LARGE1: variants seen among roughly 807,000 people sequenced by gnomAD.
LARGE1 encodes xylosyl- and glucuronyltransferase LARGE1.
Under a neutral mutation model 87.6 loss-of-function variants are expected in LARGE1, and 43 were observed. The observed-to-expected ratio is 0.49, with a 90% CI of 0.38 to 0.63. The LOEUF (loss-of-function observed/expected upper bound fraction) is 0.63. LARGE1 is among the 30% of genes least tolerant of loss of function. The pLI, the probability that LARGE1 is intolerant of heterozygous loss-of-function variation, is 0.00. For synonymous variants in LARGE1, 434 were observed against 394.6 expected (o/e 1.10, Z -1.18); for missense variants, 802 against 1,000.2 (o/e 0.80, Z 2.67).
intron 11 of LARGE1, among the ~76,000 whole-genome samples, chr22:33,186,853 T>G (rs948118743): frequency 6.6e-6 from 1 of 152,146 alleles, no homozygotes; most frequent in Non-Finnish European, 1.5e-5. Context: ...GAAATAAAAT[T>G]TTGAAAATTA....
chr22:33,736,275 C>T (rs987287717), intron 2 of LARGE1, among the ~76,000 whole-genome samples: 3 of 152,160 alleles, frequency 2.0e-5, no homozygotes, highest in African/African-American at 7.2e-5. Flanking sequence ...ATAAGGGTTC[C>T]GATTTCTCCA....
intron 1 of LARGE1, among the ~76,000 whole-genome samples, chr22:33,882,640 T>C (rs1176888006): frequency 1.3e-5 from 2 of 152,228 alleles, no homozygotes; most frequent in African/African-American, 4.8e-5. Flanking sequence ...TAAGGTATTT[T>C]GCAAATAAAA....
At chr22:33,770,595 T>A (rs1001033024) in intron 1 of LARGE1, among the ~76,000 whole-genome samples, 2 of 151,950 alleles carry the variant, frequency 1.3e-5, no homozygotes, top group African/African-American at 4.8e-5. Context: ...TGAGGGAGGA[T>A]GATCACTTGA....
the LARGE1 span, among the ~76,000 whole-genome samples, chr22:33,069,816 C>CTTTT: frequency 2.4e-5 from 3 of 126,764 alleles, no homozygotes; most frequent in South Asian, 2.5e-4. Flanking sequence ...TTATTACATT[C>CTTTT]TTTTTTTTTT....
chr22:33,376,245 T>C (rs2064988936), intron 9 of LARGE1, among the ~76,000 whole-genome samples: 2 of 152,214 alleles, frequency 1.3e-5, no homozygotes, highest in African/African-American at 4.8e-5. Context: ...AATACACCTG[T>C]TATTAGATGA....
At chr22:33,066,909 G>A in the LARGE1 span, among the ~76,000 whole-genome samples, 6 of 152,096 alleles carry the variant, frequency 3.9e-5, no homozygotes, top group Admixed American at 6.5e-5. Context: ...GCCACACACC[G>A]GTACCTCCAT....
intron 1 of LARGE1, among the ~76,000 whole-genome samples, chr22:33,907,435 G>A (rs985010245): frequency 6.6e-6 from 1 of 152,174 alleles, no homozygotes; most frequent in African/African-American, 2.4e-5. Context: ...CATCAATTAT[G>A]ACTGCCATTC....
intron 6 of LARGE1, among the ~76,000 whole-genome samples, chr22:33,447,867 A>G (rs2067749238): frequency 6.6e-6 from 1 of 152,204 alleles, no homozygotes; most frequent in African/African-American, 2.4e-5. Flanking sequence ...GGTGTGTGGA[A>G]AGGAATGGAG....
At chr22:33,821,135 C>G (rs973452260) in intron 1 of LARGE1, among the ~76,000 whole-genome samples, 1 of 152,206 alleles carries the variant, frequency 6.6e-6, no homozygotes, top group Admixed American at 6.5e-5. Context: ...TTAAGAATCT[C>G]TAATTGCTTC....
At chr22:33,335,558 A>G (rs1434941583) in intron 10 of LARGE1, among the ~76,000 whole-genome samples, 1 of 152,182 alleles carries the variant, frequency 6.6e-6, no homozygotes, top group Non-Finnish European at 1.5e-5. Context: ...TAACTATAAA[A>G]AATAACTATA....
chr22:33,820,348 G>T (rs1262778371), intron 1 of LARGE1, among the ~76,000 whole-genome samples: 2 of 151,910 alleles, frequency 1.3e-5, no homozygotes, highest in Admixed American at 6.6e-5. Flanking sequence ...TAGAGACAGG[G>T]TCTCACTTTG....
chr22:33,302,416 C>A (rs1442868957), intron 12 of LARGE1, among the ~76,000 whole-genome samples: 1 of 152,130 alleles, frequency 6.6e-6, no homozygotes, highest in East Asian at 1.9e-4. Flanking sequence ...GTAGGGACTC[C>A]TCCCGCCCCA....
intron 7 of LARGE1, among the ~76,000 whole-genome samples, chr22:33,388,026 T>C (rs1157196212): frequency 2.0e-5 from 3 of 152,238 alleles, no homozygotes; most frequent in Non-Finnish European, 4.4e-5. Flanking sequence ...TTATCCTCTA[T>C]GCACATAATA....
chr22:33,875,935 C>A (rs1054858551), intron 1 of LARGE1, among the ~76,000 whole-genome samples: 2 of 152,174 alleles, frequency 1.3e-5, no homozygotes, highest in African/African-American at 4.8e-5. Flanking sequence ...GGATGCAGAG[C>A]TATGGGTTCC....
At chr22:33,770,541 T>A (rs926560113) in intron 1 of LARGE1, among the ~76,000 whole-genome samples, 1 of 151,952 alleles carries the variant, frequency 6.6e-6, no homozygotes, top group African/African-American at 2.4e-5. Flanking sequence ...AGACTTTAGC[T>A]GGGCATGGTG....
intron 12 of LARGE1, among the ~76,000 whole-genome samples, chr22:33,303,604 A>AGGGTAT (rs1934456237): frequency 6.6e-6 from 1 of 152,068 alleles, no homozygotes; most frequent in South Asian, 2.1e-4. Context: ...CAGAAGAAGG[A>AGGGTAT]GGGTATGTTT....
At chr22:33,277,485 T>C (rs751883607) in intron 13 of LARGE1, among the ~76,000 whole-genome samples, 1 of 152,140 alleles carries the variant, frequency 6.6e-6, no homozygotes, top group African/African-American at 2.4e-5. Context: ...TCACAGTGGA[T>C]TGGGGTGGCA....
chr22:33,600,363 C>T (rs557738391), intron 5 of LARGE1, among the ~76,000 whole-genome samples: 4 of 152,260 alleles, frequency 2.6e-5, no homozygotes, highest in African/African-American at 7.2e-5. Context: ...GAAAAACAGA[C>T]GTGATCCTGG....
At chr22:33,665,521 T>C (rs1164163077) in intron 2 of LARGE1, among the ~76,000 whole-genome samples, 1 of 152,212 alleles carries the variant, frequency 6.6e-6, no homozygotes, top group Non-Finnish European at 1.5e-5. Flanking sequence ...CCAGCCACTT[T>C]GGCGGGATGA....
Sources: allele counts gnomAD v4.1 joint callset (sites outside exome capture counted in the v4.1 genomes callset), GRCh38; gene constraint gnomAD v4.1.1; transcripts MANE v1.5; gene names NCBI Gene and HGNC (gene_info 2026-07-23, HGNC 2026-07-21).